IQGAP1: variants seen among roughly 807,000 people sequenced by gnomAD.
IQGAP1 encodes the protein IQ motif containing GTPase activating protein 1.
A neutral mutation model predicts 215.6 loss-of-function variants in IQGAP1; 66 were observed. The observed-to-expected ratio is 0.31, with a 90% CI of 0.25 to 0.38. The LOEUF (loss-of-function observed/expected upper bound fraction) is 0.38. Ranked by LOEUF, IQGAP1 falls within the 10% of genes least tolerant of loss-of-function variation. IQGAP1 has a pLI of 1.00. For missense variants in IQGAP1, 1,712 were observed against 1,997.1 expected (o/e 0.86, Z 2.72); for synonymous variants, 772 against 728.7 (o/e 1.06, Z -0.96).
intron 3 of IQGAP1, among the ~76,000 whole-genome samples, chr15:90,427,661 A>C (rs1965243217): frequency 6.6e-6 from 1 of 151,920 alleles, no homozygotes; most frequent in African/African-American, 2.4e-5. Flanking sequence ...AATCACTTGA[A>C]CCCAGGAGGC....
intron 15 of IQGAP1, among the ~76,000 whole-genome samples, chr15:90,457,321 TC>T (rs1184659042): frequency 6.6e-6 from 1 of 152,168 alleles, no homozygotes; most frequent in Non-Finnish European, 1.5e-5. Flanking sequence ...CATGGAGCCA[TC>T]CTTTGCTCAT....
chr15:90,483,584 A>G lies in IQGAP1; in HGVS notation c.3779A>G (p.Gln1260Arg), dbSNP rs746614826. The G allele has an allele frequency of 1.1e-5, 17 of 1,607,712 alleles. No individual in the cohort carries two copies. Among genetic ancestry groups the G allele is most frequent in the Non-Finnish European group, 1.4e-5 (17 of 1,176,454 alleles). The change falls in exon 29 of 38, where the codon CAG becomes CGG. Residue 1260 changes from glutamine (Q) to arginine (R), a missense_variant. Gln to Arg is a conservative substitution (Grantham distance 43). Around this residue, in one of 2 missense-constraint regions of IQGAP1, gnomAD observed 691 missense variants for 923.0 expected, o/e 0.75. Transcript: ENST00000268182. ...AATGAATATCTTTCCCAGTCCTACC[A>G]GAAATTCAGGTAAGGGGAAAGGCAC... is the stretch of plus-strand genomic sequence containing the variant. Reference protein sequence around the residue: ...IINEYLSQSYQKFRRFFQTAC... With the variant: ...IINEYLSQSYRKFRRFFQTAC...
intron 34 of IQGAP1, 121 bp downstream of exon 34, chr15:90,491,666 T>C: frequency 1.3e-6 from 1 of 744,406 alleles, no homozygotes; most frequent in Non-Finnish European, 2.2e-6. Flanking sequence ...CCCTCCTCTA[T>C]GAGAAACCAT....
Position 90,477,393 on chromosome 15 carries a change from C to T in IQGAP1, c.3104+163C>T, listed in dbSNP as rs1184125671. 2.3e-4 allele frequency among the ~76,000 whole-genome samples: 35 copies of T among 151,982 alleles called. 2 individuals carry two copies. The highest frequency in any genetic ancestry group is 2.3e-3 in the Admixed American group (35 of 15,244). On this transcript the variant is annotated intron_variant, in intron 25 of 37. Transcript: ENST00000268182. ...TTTAAATAACTGATATAAAATCTTGCTGCTTCTAGGGAAGGGATAAATTAA... is the reference window on the plus strand; with the variant it reads ...TTTAAATAACTGATATAAAATCTTGTTGCTTCTAGGGAAGGGATAAATTAA...
intron 26 of IQGAP1, among the ~76,000 whole-genome samples, chr15:90,480,413 A>G (rs1966041573): frequency 6.6e-6 from 1 of 152,158 alleles, no homozygotes; most frequent in South Asian, 2.1e-4. Context: ...GTTCTTTCCT[A>G]AAATCTCAAA....
intron 15 of IQGAP1, among the ~76,000 whole-genome samples, chr15:90,464,782 G>T (rs1381468107): frequency 6.6e-6 from 1 of 151,736 alleles, no homozygotes; most frequent in Non-Finnish European, 1.5e-5. Flanking sequence ...AACCTGGAAG[G>T]CAGAGCTTGC....
chr15:90,464,542 C>A (rs1596279646), intron 15 of IQGAP1, among the ~76,000 whole-genome samples: 1 of 152,020 alleles, frequency 6.6e-6, no homozygotes, highest in African/African-American at 2.4e-5. Flanking sequence ...AATATGGCAG[C>A]CACATTCTTG....
intron 2 of IQGAP1, among the ~76,000 whole-genome samples, chr15:90,417,542 G>T (rs1965070680): frequency 6.6e-6 from 1 of 152,028 alleles, no homozygotes. Context: ...ATTTCTGAGG[G>T]CTCTGTTCTG....
intron 37 of IQGAP1, among the ~76,000 whole-genome samples, chr15:90,497,988 C>T (rs1798668185): frequency 6.6e-6 from 1 of 152,094 alleles, no homozygotes; most frequent in Non-Finnish European, 1.5e-5. Context: ...CCCTGCCAGC[C>T]CGGGCAGGTG....
Position 90,491,317 on chromosome 15 carries a change from T to C in IQGAP1, c.4249-16T>C. 2 of 1,610,702 alleles carry C rather than the reference T, an allele frequency of 1.2e-6. No individual in the cohort carries two copies. Among genetic ancestry groups the C allele is most frequent in the Non-Finnish European group, 1.7e-6 (2 of 1,177,494 alleles). ...GTGTGGTAAACTTGCTAAGAACTTC[T>C]TTTTCCCATCCGTAGGAAGCAGAAC... On this transcript the variant is annotated splice_polypyrimidine_tract_variant and intron_variant, in intron 33 of 37. Transcript: ENST00000268182.
intron 2 of IQGAP1, among the ~76,000 whole-genome samples, chr15:90,397,616 T>A (rs3743414): frequency 0.17 from 24,441 of 148,008 alleles, 2,608 homozygotes; most frequent in East Asian, 0.46. Context: ...TCCCAGGTTC[T>A]CACCATTCTC....
At chr15:90,461,133 T>TC (rs1965756176) in intron 15 of IQGAP1, among the ~76,000 whole-genome samples, 1 of 150,528 alleles carries the variant, frequency 6.6e-6, no homozygotes, top group South Asian at 2.1e-4. Context: ...ATGGTGAAAC[T>TC]CCATCTCTAC....
chr15:90,495,962 G>C (rs1017374490), intron 36 of IQGAP1, among the ~76,000 whole-genome samples: 2 of 149,998 alleles, frequency 1.3e-5, no homozygotes, highest in Admixed American at 6.6e-5. Context: ...TATTATTATA[G>C]GTCATTATCT....
At chr15:90,475,981 G>C (rs898947109) in intron 23 of IQGAP1, among the ~76,000 whole-genome samples, 24 of 151,804 alleles carry the variant, frequency 1.6e-4, no homozygotes, top group African/African-American at 5.6e-4. Flanking sequence ...TGTACCCCAG[G>C]CTGGAGTGCA....
chr15:90,433,929 A>G lies in IQGAP1; in HGVS notation c.467+134A>G, dbSNP rs983336127. 3.5e-5 allele frequency: 17 copies of G among 489,742 alleles called. No homozygotes were observed. The East Asian group carries it at 4.7e-4, about 14-fold the overall frequency. The allele number at this position is 489,742 out of a possible 1,614,324, so 30.3% of individuals were successfully genotyped here. On this transcript the variant is annotated intron_variant, in intron 5 of 37. Coordinates refer to ENST00000268182, the MANE Select transcript of IQGAP1 (RefSeq NM_003870.4). ...AAAGTTCCAAATAGGATAAAATACTATTATCCGAACAAAATGGTGAGAAAC... is the reference window on the plus strand; with the variant it reads ...AAAGTTCCAAATAGGATAAAATACTGTTATCCGAACAAAATGGTGAGAAAC...
chr15:90,392,001 A>G (rs540123288), intron 2 of IQGAP1: 1 of 152,358 alleles, frequency 6.6e-6, no homozygotes, highest in East Asian at 1.9e-4. Flanking sequence ...TCCAGAGAAC[A>G]GTACAACAAA....
At chr15:90,457,216 T>C (rs1965697272) in intron 15 of IQGAP1, among the ~76,000 whole-genome samples, 1 of 151,994 alleles carries the variant, frequency 6.6e-6, no homozygotes, top group Admixed American at 6.6e-5. Context: ...CGTCCACTTT[T>C]GAGCTGTATT....
At chr15:90,426,753 G>C (rs1965228382) in intron 3 of IQGAP1, among the ~76,000 whole-genome samples, 1 of 151,990 alleles carries the variant, frequency 6.6e-6, no homozygotes, top group African/African-American at 2.4e-5. Context: ...AGGAGTTCGA[G>C]ACCAGCCTGA....
At chr15:90,467,312 C>T (rs1350060909) in intron 17 of IQGAP1, 138 bp from the exon 18 acceptor site, 3 of 744,006 alleles carry the variant, frequency 4.0e-6, no homozygotes, top group South Asian at 2.5e-5. Context: ...TGCCCCTTTA[C>T]TCTCACAGAT....
Sources: allele counts gnomAD v4.1 joint callset (sites outside exome capture counted in the v4.1 genomes callset), GRCh38; gene constraint gnomAD v4.1.1; regional missense constraint gnomAD v4.1.1; transcripts MANE v1.5; gene names NCBI Gene and HGNC (gene_info 2026-07-23, HGNC 2026-07-21).